KLHL32: variants seen among roughly 807,000 people sequenced by gnomAD.
KLHL32 encodes the protein kelch like family member 32.
In KLHL32, 35 loss-of-function variants were observed where a neutral mutation model predicts 64.8. The ratio of observed to expected loss-of-function variants is 0.54; its 90% CI spans 0.41 to 0.72. The LOEUF is 0.72. Ranked by LOEUF, KLHL32 falls within the 30% of genes least tolerant of loss-of-function variation. KLHL32 has a pLI of 0.00. For synonymous variants in KLHL32, 259 were observed against 281.0 expected, an observed-to-expected ratio of 0.92 and a Z score of 0.78; for missense variants, 589 against 768.5, an observed-to-expected ratio of 0.77 and a Z score of 2.76.
intron 3 of KLHL32, 70 bp from the exon 4 acceptor site, chr6:97,041,422 C>G (rs1202583750): frequency 1.0e-6 from 1 of 971,632 alleles, no homozygotes; most frequent in Non-Finnish European, 1.6e-6. Context: ...CCCCTAGTCT[C>G]TCTAGAATTT....
chr6:97,030,934 A>G (rs1783448907), intron 3 of KLHL32, among the ~76,000 whole-genome samples: 1 of 152,228 alleles, frequency 6.6e-6, no homozygotes, highest in African/African-American at 2.4e-5. Flanking sequence ...TATTTATTGC[A>G]TGTATGCACT....
chr6:97,034,140 G>A (rs932824744), intron 3 of KLHL32, among the ~76,000 whole-genome samples: 1 of 151,642 alleles, frequency 6.6e-6, no homozygotes, highest in African/African-American at 2.4e-5. Flanking sequence ...ATTTTCTTCT[G>A]TATTGTTTCA....
chr6:97,122,909 C>A (rs192724582), intron 7 of KLHL32, among the ~76,000 whole-genome samples: 1 of 152,334 alleles, frequency 6.6e-6, no homozygotes, highest in African/African-American at 2.4e-5. Flanking sequence ...CACTGCAGGT[C>A]TCCAAGACAG....
In KLHL32 at chr6:97,087,735, A is replaced by G. The variant is rs572505458; in HGVS notation, c.627+2394A>G. The stretch of plus-strand genomic sequence containing the variant: ...GGTGGCTCTTCTACTATGTACTGAT[A>G]ATGTCATCTGGGACCATCCCATATT... On this transcript the variant is annotated intron_variant, in intron 6 of 10. Transcript: ENST00000369261. 1.8e-3 allele frequency among the ~76,000 whole-genome samples: 271 copies of G among 152,288 alleles called. 4 individuals carry two copies. The highest frequency in any genetic ancestry group is 6.3e-3 in the African/African-American group (263 of 41,556).
intron 3 of KLHL32, among the ~76,000 whole-genome samples, chr6:97,001,564 C>A (rs1779038052): frequency 1.3e-5 from 2 of 152,262 alleles, no homozygotes; most frequent in Admixed American, 6.5e-5. Flanking sequence ...ATCTCCCAGA[C>A]CTGAGTGATC....
chr6:96,951,610 A>G (rs1021300531), intron 1 of KLHL32, among the ~76,000 whole-genome samples: 1 of 152,160 alleles, frequency 6.6e-6, no homozygotes, highest in African/African-American at 2.4e-5. Context: ...ATTGCTCACT[A>G]TTAATATTGA....
At chr6:97,030,272 G>A (rs981655344) in intron 3 of KLHL32, among the ~76,000 whole-genome samples, 10 of 152,146 alleles carry the variant, frequency 6.6e-5, no homozygotes, top group Non-Finnish European at 7.4e-5. Flanking sequence ...GTTTTGTGTC[G>A]TAAGGTACCA....
At chr6:97,017,358 A>G (rs1390380805) in intron 3 of KLHL32, among the ~76,000 whole-genome samples, 1 of 152,228 alleles carries the variant, frequency 6.6e-6, no homozygotes, top group African/African-American at 2.4e-5. Context: ...TTCTTACCCA[A>G]TGTTTTGGCT....
chr6:96,986,649 G>A (rs759086152), intron 3 of KLHL32, among the ~76,000 whole-genome samples: 4 of 152,156 alleles, frequency 2.6e-5, no homozygotes, highest in Admixed American at 6.5e-5. Flanking sequence ...GCGAGGCTTC[G>A]TGGGTGTAGG....
At chr6:96,985,223 G>A (rs1253873047) in intron 3 of KLHL32, among the ~76,000 whole-genome samples, 1 of 152,164 alleles carries the variant, frequency 6.6e-6, no homozygotes, top group African/African-American at 2.4e-5. Context: ...GGCTTGTAGA[G>A]TTTCTGCCAA....
chr6:96,940,490 G>C (rs1378599867), intron 1 of KLHL32, among the ~76,000 whole-genome samples: 1 of 152,206 alleles, frequency 6.6e-6, no homozygotes, highest in Non-Finnish European at 1.5e-5. Flanking sequence ...AAAATGTAGA[G>C]GAGTGAAAGT....
chr6:97,008,267 G>A (rs960264241), intron 3 of KLHL32, among the ~76,000 whole-genome samples: 8 of 152,120 alleles, frequency 5.3e-5, no homozygotes, highest in Non-Finnish European at 1.5e-5. Flanking sequence ...ACAGTCAGGT[G>A]CAGTCTGCCA....
Position 97,132,752 on chromosome 6 carries a change from G to A in KLHL32, c.1701+5G>A. 1 of 1,592,842 alleles carries A rather than the reference G, an allele frequency of 6.3e-7. No individual in the cohort carries two copies. Reference sequence around the variant, plus strand: ...GAGCCTCTGGCTTGTATCCAGGTGAGTGGTAGAAGTTCCTTTTGAAGTTTG... The same window carrying A: ...GAGCCTCTGGCTTGTATCCAGGTGAATGGTAGAAGTTCCTTTTGAAGTTTG... On this transcript the variant is annotated splice_donor_5th_base_variant and intron_variant, in intron 10 of 10. Transcript: ENST00000369261.
rs115154609 is a variant in KLHL32, at chr6:97,123,373, A to C, written c.1355-4031A>C. 3.9e-3 allele frequency among the ~76,000 whole-genome samples: 590 copies of C among 152,246 alleles called. 2 individuals carry two copies. The highest frequency in any genetic ancestry group is 0.013 in the African/African-American group (559 of 41,540). ...CATTTTGTGGCGAGTTGTACAGGGA[A>C]GCTTAAGAAAAATGCTTTTCTCCTG... On this transcript the variant is annotated intron_variant, in intron 7 of 10. Coordinates refer to ENST00000369261, the MANE Select transcript of KLHL32 (RefSeq NM_052904.4).
chr6:96,900,383 TA>T, the KLHL32 span, among the ~76,000 whole-genome samples: 1 of 152,204 alleles, frequency 6.6e-6, no homozygotes, highest in African/African-American at 2.4e-5. Context: ...ATGAAAGTGA[TA>T]AAAAAATTTG....
At chr6:97,055,549 G>A (rs1345246100) in intron 4 of KLHL32, among the ~76,000 whole-genome samples, 1 of 152,090 alleles carries the variant, frequency 6.6e-6, no homozygotes, top group Non-Finnish European at 1.5e-5. Context: ...TGTAATCCCA[G>A]CACTTTGGGA....
At chr6:97,016,144 C>T (rs1353929933) in intron 3 of KLHL32, among the ~76,000 whole-genome samples, 4 of 152,256 alleles carry the variant, frequency 2.6e-5, no homozygotes, top group East Asian at 3.8e-4. Flanking sequence ...GGAGCCCCCA[C>T]ACAGAGTCCC....
At chr6:96,926,744 A>G (rs1451381492) in intron 1 of KLHL32, among the ~76,000 whole-genome samples, 1 of 152,040 alleles carries the variant, frequency 6.6e-6, no homozygotes, top group African/African-American at 2.4e-5. Flanking sequence ...GGCAGCTCCC[A>G]CTCCACTGTA....
chr6:97,127,194 C>T (rs2128219778), intron 7 of KLHL32, among the ~76,000 whole-genome samples: 1 of 152,326 alleles, frequency 6.6e-6, no homozygotes, highest in East Asian at 1.9e-4. Flanking sequence ...ATACTTGTTG[C>T]TTGCTCTTAA....
Sources: allele counts gnomAD v4.1 joint callset (sites outside exome capture counted in the v4.1 genomes callset), GRCh38; gene constraint gnomAD v4.1.1; transcripts MANE v1.5; gene names NCBI Gene and HGNC (gene_info 2026-07-23, HGNC 2026-07-21).